Variants in SORCS2 observed in about 807,000 individuals in gnomAD.
SORCS2 encodes the protein sortilin related VPS10 domain containing receptor 2, also known as VPS10 domain-containing receptor SorCS2.
A neutral mutation model predicts 141.6 loss-of-function variants in SORCS2; 100 were observed. The ratio of observed to expected loss-of-function variants is 0.71; its 90% CI spans 0.60 to 0.83. The LOEUF (loss-of-function observed/expected upper bound fraction) is 0.83, where lower values mean the gene tolerates loss of function less well. Among genes scored for constraint, SORCS2 ranks in the 40% least tolerant of loss-of-function variants. The pLI, the probability that SORCS2 is intolerant of heterozygous loss-of-function variation, is 0.00. For missense variants in SORCS2, 1,646 were observed against 1,560.2 expected (o/e 1.05, Z -0.93); for synonymous variants, 789 against 676.9 (o/e 1.17, Z -2.57).
intron 1 of SORCS2, among the ~76,000 whole-genome samples, chr4:7,280,249 G>A (rs559729275): frequency 1.1e-3 from 172 of 152,168 alleles, no homozygotes; most frequent in African/African-American, 4.0e-3. Flanking sequence ...GAAATCACAC[G>A]TGGATTTCTG....
chr4:7,366,097 C>T (rs754870696), intron 1 of SORCS2, among the ~76,000 whole-genome samples: 29 of 151,926 alleles, frequency 1.9e-4, no homozygotes, highest in Non-Finnish European at 2.8e-4. Context: ...GGAGGAGTGC[C>T]GGGGGGTGGG....
rs760126624 is a variant in SORCS2, at chr4:7,434,513, G to A, written c.548+38158G>A. 16 of 1,612,774 alleles carry A rather than the reference G, an allele frequency of 9.9e-6. No individual in the cohort carries two copies. Among genetic ancestry groups the A allele is most frequent in the East Asian group, 6.7e-5 (3 of 44,874 alleles). ...GCCGGGGCACTGTCCGGGGCCCCACGGAGCATGCTCAGGATGGCCGAACTG... is the reference window on the plus strand; with the variant it reads ...GCCGGGGCACTGTCCGGGGCCCCACAGAGCATGCTCAGGATGGCCGAACTG... On this transcript the variant is annotated intron_variant, in intron 2 of 26. Coordinates refer to ENST00000507866, the MANE Select transcript of SORCS2 (RefSeq NM_020777.3).
At chr4:7,697,905 G>A (rs1407254002) in intron 12 of SORCS2, among the ~76,000 whole-genome samples, 2 of 152,206 alleles carry the variant, frequency 1.3e-5, no homozygotes, top group Non-Finnish European at 2.9e-5. Context: ...ACCAGCACAG[G>A]ATGGCCTGGG....
In SORCS2 at chr4:7,741,076, G is replaced by A; in HGVS notation, c.*812G>A. 1 of 398,876 alleles carries A rather than the reference G, an allele frequency of 2.5e-6. No individual in the cohort carries two copies. The highest frequency in any genetic ancestry group is 4.4e-5 in the Admixed American group (1 of 22,744). The allele number at this position is 398,876 out of a possible 1,614,324, so 24.7% of individuals were successfully genotyped here. On this transcript the variant is annotated 3_prime_UTR_variant, in exon 27 of 27. Transcript: ENST00000507866. ...TACCAGCAAGCAGCACCATCCCGCA[G>A]GCTTCTCCCACCTGATGGCTGTTCT...
intron 1 of SORCS2, among the ~76,000 whole-genome samples, chr4:7,202,201 C>T (rs1306710241): frequency 6.6e-6 from 1 of 152,178 alleles, no homozygotes; most frequent in Non-Finnish European, 1.5e-5. Context: ...GATATGCAGC[C>T]CGCTGAGGGC....
chr4:7,343,732 A>G (rs1720500035), intron 1 of SORCS2, among the ~76,000 whole-genome samples: 2 of 152,210 alleles, frequency 1.3e-5, no homozygotes, highest in Non-Finnish European at 2.9e-5. Flanking sequence ...GGCCGCCACT[A>G]GCACCCACCT....
chr4:7,367,516 G>A (rs146267088), intron 1 of SORCS2, among the ~76,000 whole-genome samples: 51 of 152,328 alleles, frequency 3.3e-4, no homozygotes, highest in African/African-American at 1.1e-3. Flanking sequence ...CAGTCAAGGC[G>A]GTTCACACAG....
chr4:7,288,753 T>C (rs914009949), intron 1 of SORCS2, among the ~76,000 whole-genome samples: 1 of 124,534 alleles, frequency 8.0e-6, no homozygotes, highest in African/African-American at 3.1e-5. Context: ...TACAGTCACA[T>C]TGGCAGCGAG....
At chr4:7,613,920 C>T (rs1432538951) in intron 3 of SORCS2, among the ~76,000 whole-genome samples, 1 of 152,086 alleles carries the variant, frequency 6.6e-6, no homozygotes, top group Non-Finnish European at 1.5e-5. Flanking sequence ...ACTCATCAAA[C>T]ATCCGTTCAC....
intron 2 of SORCS2, among the ~76,000 whole-genome samples, chr4:7,447,740 C>T (rs749465206): frequency 5.9e-5 from 9 of 152,152 alleles, no homozygotes; most frequent in South Asian, 2.1e-4. Flanking sequence ...TCTTGGAAGA[C>T]GGAGCCGGGC....
intron 10 of SORCS2, among the ~76,000 whole-genome samples, chr4:7,686,026 C>T (rs867873916): frequency 4.6e-5 from 7 of 152,206 alleles, no homozygotes; most frequent in African/African-American, 1.7e-4. Context: ...CTCATACACA[C>T]GTTATGAAGT....
At chr4:7,303,484 A>C (rs968545581) in intron 1 of SORCS2, among the ~76,000 whole-genome samples, 2 of 152,176 alleles carry the variant, frequency 1.3e-5, no homozygotes, top group African/African-American at 4.8e-5. Flanking sequence ...AACTGACTTC[A>C]TTTGACATGC....
At chr4:7,426,840 G>A (rs1726476473) in intron 2 of SORCS2, among the ~76,000 whole-genome samples, 1 of 152,206 alleles carries the variant, frequency 6.6e-6, no homozygotes, top group African/African-American at 2.4e-5. Flanking sequence ...GTGTTTCTCT[G>A]CATTAACGTC....
intron 2 of SORCS2, among the ~76,000 whole-genome samples, chr4:7,494,934 C>G (rs1312771273): frequency 1.3e-5 from 2 of 152,212 alleles, no homozygotes; most frequent in Non-Finnish European, 2.9e-5. Context: ...CAGCCTGTTT[C>G]CCTGGGCTTG....
intron 3 of SORCS2, among the ~76,000 whole-genome samples, chr4:7,591,080 C>T (rs1250888676): frequency 6.6e-6 from 1 of 152,214 alleles, no homozygotes; most frequent in Non-Finnish European, 1.5e-5. Context: ...AACTGACGCT[C>T]ATAGCGCCCA....
rs944905516 is a variant in SORCS2, at chr4:7,701,552, G to A, written c.1669-1728G>A. 4.6e-4 allele frequency among the ~76,000 whole-genome samples: 70 copies of A among 152,302 alleles called. 1 individual carries two copies. Among genetic ancestry groups the A allele is most frequent in the Admixed American group, 3.9e-3 (59 of 15,310 alleles). On this transcript the variant is annotated intron_variant, in intron 12 of 26. Transcript: ENST00000507866. ...GCCCCTCCTTCGGGGCCCTGAGGCC[G>A]TGGTAGGATTTGGGCTTGACTGTAA...
intron 3 of SORCS2, among the ~76,000 whole-genome samples, chr4:7,558,496 G>A (rs547547162): frequency 7.9e-5 from 12 of 152,334 alleles, no homozygotes; most frequent in African/African-American, 2.9e-4. Flanking sequence ...CCACTCTCCT[G>A]TAACAGGGGA....
intron 2 of SORCS2, among the ~76,000 whole-genome samples, chr4:7,525,849 G>GCAGTCACCTGTCCCCTCCT (rs774204652): frequency 0.8 from 41,112 of 51,188 alleles, 18,007 homozygotes; most frequent in Non-Finnish European, 0.88. Context: ...GGGCCCTCCT[G>GCAGTCACCTGTCCCCTCCT]CAGTCACCTG....
chr4:7,337,536 G>A (rs750488519), intron 1 of SORCS2, among the ~76,000 whole-genome samples: 6 of 152,130 alleles, frequency 3.9e-5, no homozygotes, highest in Non-Finnish European at 7.4e-5. Flanking sequence ...GACCTGGCTT[G>A]TTGGAGGAGC....
Sources: gnomAD v4.1 joint callset for allele counts (sites outside exome capture counted in the v4.1 genomes callset) on GRCh38, gnomAD v4.1.1 for gene constraint, MANE v1.5 for transcripts, NCBI Gene and HGNC (gene_info 2026-07-23, HGNC 2026-07-21) for gene names.